Variants in POC1A observed in about 807,000 individuals in gnomAD.
POC1A encodes the protein POC1 centriolar protein A, also known as POC1 centriolar protein homolog A.
In POC1A, 34 loss-of-function variants were observed where a neutral mutation model predicts 47.8. The ratio of observed to expected loss-of-function variants is 0.71; its 90% CI spans 0.54 to 0.95. The LOEUF (loss-of-function observed/expected upper bound fraction) is 0.95, where lower values mean the gene tolerates loss of function less well. Ranked by LOEUF, POC1A falls within the 40% of genes least tolerant of loss-of-function variation. POC1A has a pLI of 0.00. For missense variants in POC1A, 466 were observed against 528.3 expected (o/e 0.88, Z 1.16); for synonymous variants, 177 against 207.6 (o/e 0.85, Z 1.27).
rs766001251 is a variant in POC1A, at chr3:52,154,410, G to A, written c.-38C>T. Reference sequence around the variant, plus strand: ...GGCGCCGAAGGCAGCTGCGGTGGCCGTTGCGGCCCGTTCAGTTTCCGCGCC... The same window carrying A: ...GGCGCCGAAGGCAGCTGCGGTGGCCATTGCGGCCCGTTCAGTTTCCGCGCC... On this transcript the variant is annotated 5_prime_UTR_variant, in exon 1 of 11. In the 5' UTR this introduces an upstream ATG that the reference lacks. Transcript: ENST00000296484. 1.4e-6 allele frequency: 2 copies of A among 1,421,692 alleles called. No homozygotes were observed. Among genetic ancestry groups the A allele is most frequent in the Non-Finnish European group, 1.8e-6 (2 of 1,093,390 alleles). The allele number at this position is 1,421,692 out of a possible 1,614,324, so 88.1% of individuals were successfully genotyped here. A position where few individuals can be genotyped will look rare whatever the true frequency, so the allele number is the denominator to read the frequency against.
intron 4 of POC1A, 46 bp downstream of exon 4, chr3:52,149,164 A>G (rs1284435122): frequency 1.3e-6 from 2 of 1,582,990 alleles, no homozygotes; most frequent in East Asian, 4.5e-5. Flanking sequence ...GCCAGCCCCC[A>G]ACCCCCAGGG....
At chr3:52,123,493 G>C (rs1263348883) in intron 8 of POC1A, among the ~76,000 whole-genome samples, 1 of 152,096 alleles carries the variant, frequency 6.6e-6, no homozygotes, top group African/African-American at 2.4e-5. Context: ...CTGTCTGTCA[G>C]GACGCAGCTG....
chr3:52,088,380 T>C (rs1383689309), intron 10 of POC1A, among the ~76,000 whole-genome samples: 5 of 152,202 alleles, frequency 3.3e-5, no homozygotes, highest in African/African-American at 4.8e-5. Context: ...GCTTCCCAAA[T>C]GCCATGCTAA....
chr3:52,139,844 C>G (rs1384108238), intron 6 of POC1A, among the ~76,000 whole-genome samples: 1 of 152,172 alleles, frequency 6.6e-6, no homozygotes, highest in Non-Finnish European at 1.5e-5. Flanking sequence ...TGGGGGCACA[C>G]CTGGGCAGTC....
intron 8 of POC1A, 135 bp downstream of exon 8, chr3:52,124,978 G>A: frequency 1.5e-6 from 1 of 671,296 alleles, no homozygotes; most frequent in South Asian, 1.8e-5. Context: ...GCGCCATCAG[G>A]GCCTTTTTAG....
At chr3:52,089,771 C>G (rs1702585057) in intron 10 of POC1A, among the ~76,000 whole-genome samples, 1 of 152,136 alleles carries the variant, frequency 6.6e-6, no homozygotes, top group Non-Finnish European at 1.5e-5. Context: ...AACTGTATAA[C>G]TATAAAATTG....
At chr3:52,133,863 C>T (rs906411548) in intron 7 of POC1A, among the ~76,000 whole-genome samples, 1 of 152,222 alleles carries the variant, frequency 6.6e-6, no homozygotes, top group African/African-American at 2.4e-5. Flanking sequence ...TGTGGCTGAC[C>T]TCACTGCTGC....
chr3:52,149,907 C>A lies in POC1A; in HGVS notation c.184G>T (p.Asp62Tyr). 6 of 1,613,982 alleles carry A rather than the reference C, an allele frequency of 3.7e-6. No individual in the cohort carries two copies. Among genetic ancestry groups the A allele is most frequent in the Non-Finnish European group, 5.1e-6 (6 of 1,180,042 alleles). Residue 62 changes from aspartate to tyrosine, a missense_variant, in exon 3 of 11, where the codon GAT (aspartate) becomes TAT (tyrosine). Coordinates refer to ENST00000296484, the MANE Select transcript of POC1A (RefSeq NM_015426.5). ...GAGAAGTTCACACAGGTGACGGCAT[C>A]CTTGTGGCCAGTGAAGCGGTAGGCG... ...SRAYRFTGHK[D>Y]AVTCVNFSPS...
chr3:52,148,117 T>A (rs1015724232), intron 4 of POC1A, among the ~76,000 whole-genome samples: 2 of 152,226 alleles, frequency 1.3e-5, no homozygotes, highest in Non-Finnish European at 2.9e-5. Context: ...AAGCTCACCA[T>A]CAGTGTCATT....
At chr3:52,108,771 G>A (rs113487287) in intron 9 of POC1A, among the ~76,000 whole-genome samples, 1,972 of 152,318 alleles carry the variant, frequency 0.013, 35 homozygotes, top group African/African-American at 0.042. Context: ...GCAGAAGGCT[G>A]TGTCCCATGG....
At chr3:52,105,955 G>A (rs533888525) in intron 9 of POC1A, among the ~76,000 whole-genome samples, 2 of 152,192 alleles carry the variant, frequency 1.3e-5, no homozygotes, top group Non-Finnish European at 2.9e-5. Flanking sequence ...AGCACTTTGG[G>A]AGGCTGAGGC....
In POC1A at chr3:52,090,163, C is replaced by T. The variant is rs1417199000; in HGVS notation, c.1125+6406G>A. 6.6e-6 allele frequency among the ~76,000 whole-genome samples: 1 copy of T among 152,162 alleles called. No homozygotes were observed. The highest frequency in any genetic ancestry group is 6.5e-5 in the Admixed American group (1 of 15,286). On this transcript the variant is annotated intron_variant, in intron 10 of 10. Transcript: ENST00000296484. The surrounding 1 kb of genome is among the most constrained non-coding windows in gnomAD (Gnocchi z 4.2). ...CTTGCTCCCTGCCTGCTCCCCACCG[C>T]ATGCATTTTCAAGTCCTGGAGCCCA...
chr3:52,144,662 C>G (rs937164170), intron 6 of POC1A, among the ~76,000 whole-genome samples: 1 of 152,216 alleles, frequency 6.6e-6, no homozygotes, highest in Admixed American at 6.5e-5. Context: ...CAGGCCCCAT[C>G]ATTGTCCCAG....
At chr3:52,105,243 A>G (rs1030633234) in intron 9 of POC1A, among the ~76,000 whole-genome samples, 6 of 152,238 alleles carry the variant, frequency 3.9e-5, no homozygotes, top group African/African-American at 1.4e-4. Flanking sequence ...TTTCCAAAGC[A>G]GGGCTGCCCT....
Position 52,147,071 on chromosome 3 carries a change from G to A in POC1A, c.480C>T (p.Ile160=), listed in dbSNP as rs753301992. The change falls in exon 5 of 11, where the codon ATC becomes ATT. Residue 160 remains isoleucine, a synonymous_variant. Transcript: ENST00000296484. Reference sequence around the variant, plus strand: ...CAGTCTTGTCATCACTGGCAGACACGATGAGCCGCCCGTCGGGGGAGAACC... The same window carrying A: ...CAGTCTTGTCATCACTGGCAGACACAATGAGCCGCCCGTCGGGGGAGAACC... ...CAKFSPDGRL[I]VSASDDKTVK... 23 of 1,613,956 alleles carry A rather than the reference G, an allele frequency of 1.4e-5. No homozygotes were observed. The highest frequency in any genetic ancestry group is 4.5e-5 in the East Asian group (2 of 44,900).
chr3:52,126,157 C>T (rs986446678), intron 7 of POC1A, among the ~76,000 whole-genome samples: 1 of 152,238 alleles, frequency 6.6e-6, no homozygotes, highest in African/African-American at 2.4e-5. Context: ...TCAGTCCCCC[C>T]AGACCAGTGC....
At chr3:52,144,115 C>A (rs1698288338) in intron 6 of POC1A, among the ~76,000 whole-genome samples, 2 of 152,216 alleles carry the variant, frequency 1.3e-5, no homozygotes, top group South Asian at 4.1e-4. Flanking sequence ...CTATTGCCAC[C>A]CCCTTTACAG....
intron 9 of POC1A, among the ~76,000 whole-genome samples, chr3:52,101,083 C>A (rs1702987741): frequency 6.8e-6 from 1 of 146,264 alleles, no homozygotes; most frequent in Non-Finnish European, 1.5e-5. Context: ...CCCACCCCAA[C>A]CCTCAGCAAA....
At chr3:52,139,453 G>A (rs1026267724) in intron 6 of POC1A, among the ~76,000 whole-genome samples, 4 of 152,070 alleles carry the variant, frequency 2.6e-5, no homozygotes, top group African/African-American at 9.7e-5. Context: ...TCCCCCAGCC[G>A]TAGAACTTTT....
Sources: gnomAD v4.1 joint callset for allele counts (sites outside exome capture counted in the v4.1 genomes callset) on GRCh38, gnomAD v4.1.1 for gene constraint, Gnocchi (gnomAD v3.1) non-coding constraint, MANE v1.5 for transcripts, NCBI Gene and HGNC (gene_info 2026-07-23, HGNC 2026-07-21) for gene names.